FSIP2: variants seen among roughly 807,000 people sequenced by gnomAD.
FSIP2 encodes the protein fibrous sheath-interacting protein 2.
FSIP2 carries 367 observed loss-of-function variants against 510.5 expected under a neutral mutation model. The observed-to-expected ratio is 0.72, with a 90% CI of 0.66 to 0.78. The LOEUF (loss-of-function observed/expected upper bound fraction) is 0.78. FSIP2 is among the 30% of genes least tolerant of loss of function. The probability of loss-of-function intolerance (pLI) is 0.00; values close to 1 mark genes in which losing one functional copy is unlikely to be tolerated. For synonymous variants in FSIP2, 2,601 were observed against 2,732.2 expected, an observed-to-expected ratio of 0.95 and a Z score of 1.50; for missense variants, 7,594 against 7,901.7, an observed-to-expected ratio of 0.96 and a Z score of 1.48.
chr2:185,794,838 G>T lies in FSIP2; in HGVS notation c.7702G>T (p.Val2568Phe), dbSNP rs1445098644. 2.6e-6 allele frequency: 4 copies of T among 1,531,350 alleles called. No individual in the cohort carries two copies. In the East Asian group the frequency reaches 9.8e-5, roughly 38 times the overall value. 94.9% of individuals were successfully genotyped at this position (1,531,350 alleles called of 1,614,324 possible). ...TGAAAATAATAAAAGTAGGACAGAA[G>T]TTGAAATATCTGACCACAATGATTC... is the stretch of plus-strand genomic sequence containing the variant. ...LYENNKSRTE[V>F]EISDHNDSLL... Residue 2568 changes from valine to phenylalanine, a missense_variant, in exon 16 of 23, where the codon GTT (valine) becomes TTT (phenylalanine). Transcript: ENST00000424728.
chr2:185,765,711 T>C (rs575459360), intron 13 of FSIP2: 246 of 151,964 alleles, frequency 1.6e-3, no homozygotes, highest in African/African-American at 5.8e-3. Flanking sequence ...GGGGATGGCA[T>C]TGAATCTATA....
intron 11 of FSIP2, 94 bp from the exon 12 acceptor site, chr2:185,763,089 A>G: frequency 1.5e-6 from 1 of 648,762 alleles, no homozygotes; most frequent in Non-Finnish European, 2.8e-6. Flanking sequence ...GCAGCTGAGC[A>G]GGGAGAATGT....
At chr2:185,777,957 TTAAAA>T (rs754035566) in intron 13 of FSIP2, among the ~76,000 whole-genome samples, 9 of 152,060 alleles carry the variant, frequency 5.9e-5, no homozygotes, top group Non-Finnish European at 1.3e-4. Context: ...GAAGTCACTG[TTAAAA>T]TAAATAACCT....
Position 185,815,362 on chromosome 2 carries a change from C to G in FSIP2, c.20326-9C>G. 1 of 1,282,532 alleles carries G rather than the reference C, an allele frequency of 7.8e-7. No individual in the cohort carries two copies. The highest frequency in any genetic ancestry group is 2.4e-5 in the East Asian group (1 of 42,334). The allele number at this position is 1,282,532 out of a possible 1,614,324, so 79.4% of individuals were successfully genotyped here. A position where few individuals can be genotyped will look rare whatever the true frequency, so the allele number is the denominator to read the frequency against. On this transcript the variant is annotated splice_polypyrimidine_tract_variant and intron_variant, in intron 18 of 22. Coordinates refer to ENST00000424728, the MANE Select transcript of FSIP2 (RefSeq NM_173651.4). ...CATTTAGTGTAATAGCTGATTTGTC[C>G]TTTTCCAGAAAGAAGAAAAGAATCT...
Position 185,794,994 on chromosome 2 carries a change from C to CT in FSIP2, c.7862dup (p.Leu2621PhefsTer19). ...AAATATCTCTGTGATGGAAAACACT[C>CT]TTTTGCCATATTTACCATTGCAAGT... On this transcript the variant is annotated frameshift_variant, in exon 16 of 23. Coordinates refer to ENST00000424728, the MANE Select transcript of FSIP2 (RefSeq NM_173651.4). LOFTEE classifies it high-confidence loss of function. 1 of 1,533,828 alleles carries CT rather than the reference C, an allele frequency of 6.5e-7. No individual in the cohort carries two copies. The highest frequency in any genetic ancestry group is 8.7e-7 in the Non-Finnish European group (1 of 1,145,606).
At position 185,801,157 on chromosome 2, in the gene FSIP2, G is replaced by A; in HGVS notation, c.11851G>A (p.Glu3951Lys). The change falls in exon 17 of 23, where the codon GAA (glutamate) becomes AAA (lysine). Residue 3951 changes from glutamate to lysine, a missense_variant. Coordinates refer to ENST00000424728, the MANE Select transcript of FSIP2 (RefSeq NM_173651.4). Reference sequence around the variant, plus strand: ...ACCTTTTGAAAGACAGAGAACAAAGGAAATGGATAAGGTAGCCATTCATAA... The same window carrying A: ...ACCTTTTGAAAGACAGAGAACAAAGAAAATGGATAAGGTAGCCATTCATAA... The part of the protein sequence containing the change: ...VSPFERQRTK[E>K]MDKVAIHNKL... The A allele has an allele frequency of 6.5e-7, 1 of 1,533,890 alleles. No homozygotes were observed. The highest frequency in any genetic ancestry group is 1.2e-5 in the South Asian group (1 of 83,988).
rs780160329 is a variant in FSIP2 at position 185,807,798 on chromosome 2, C to G, written c.18492C>G (p.Pro6164=). The change falls in exon 17 of 23, where the codon CCC becomes CCG. Residue 6164 remains proline (P), a synonymous_variant. Transcript: ENST00000424728. ...ATGTTTTCCAAACTACTGATGTGCCCCTACCTAAACCTTCACATGCTGATA... is the reference window on the plus strand; with the variant it reads ...ATGTTTTCCAAACTACTGATGTGCCGCTACCTAAACCTTCACATGCTGATA... ...LKDVFQTTDV[P]LPKPSHADKL... The G allele has an allele frequency of 5.6e-6, 9 of 1,612,508 alleles. No individual in the cohort carries two copies. The Admixed American group carries it at 1.5e-4, about 27-fold the overall frequency.
At position 185,797,296 on chromosome 2, in the gene FSIP2, A is replaced by G. The variant is rs1056250291; in HGVS notation, c.10160A>G (p.Lys3387Arg). The G allele has an allele frequency of 2.5e-5, 39 of 1,532,720 alleles. No individual in the cohort carries two copies. The highest frequency in any genetic ancestry group is 4.1e-5 in the African/African-American group (3 of 72,606). The allele number at this position is 1,532,720 out of a possible 1,614,324, so 94.9% of individuals were successfully genotyped here. A position where few individuals can be genotyped will look rare whatever the true frequency, so the allele number is the denominator to read the frequency against. The change falls in exon 16 of 23, where the codon AAA becomes AGA. Residue 3387 changes from lysine to arginine, a missense_variant. Coordinates refer to ENST00000424728, the MANE Select transcript of FSIP2 (RefSeq NM_173651.4). ...AAAAGTTTGCTTAGAATGCAGGATAAAAAAATCAACTATATACCTGAGGAA... is the reference window on the plus strand; with the variant it reads ...AAAAGTTTGCTTAGAATGCAGGATAGAAAAATCAACTATATACCTGAGGAA... ...NEKSLLRMQDKKINYIPEEEN... is the reference protein window; with the variant it reads ...NEKSLLRMQDRKINYIPEEEN...
chr2:185,810,695 C>T (rs1693709818), intron 17 of FSIP2, among the ~76,000 whole-genome samples: 1 of 151,602 alleles, frequency 6.6e-6, no homozygotes, highest in African/African-American at 2.4e-5. Context: ...TGGAAGACAC[C>T]AGTTCCACAC....
chr2:185,808,663 A>G lies in FSIP2; in HGVS notation c.19357A>G (p.Lys6453Glu). ...IKDTNTAFPK[K>E]VASLIIDGVS... is the part of the protein sequence containing the mutation. The stretch of plus-strand genomic sequence containing the variant: ...AGATACAAATACAGCCTTTCCTAAA[A>G]AAGTGGCTAGTTTAATTATTGATGG... The change falls in exon 17 of 23, where the codon AAA becomes GAA. Residue 6453 changes from lysine (K) to glutamate (E), a missense_variant. Lys to Glu is a moderately conservative substitution (Grantham distance 56, BLOSUM62 1). Transcript: ENST00000424728. The G allele has an allele frequency of 6.2e-7, 1 of 1,606,220 alleles. No individual in the cohort carries two copies. The highest frequency in any genetic ancestry group is 1.7e-5 in the Admixed American group (1 of 58,744).
chr2:185,747,175 G>A (rs952966471), intron 6 of FSIP2, 138 bp from the exon 7 acceptor site: 72 of 563,620 alleles, frequency 1.3e-4, no homozygotes, highest in East Asian at 4.8e-4. Context: ...ATTCTAAACC[G>A]AACGTATGCC....
At chr2:185,748,952 T>G (rs897125406) in intron 7 of FSIP2, among the ~76,000 whole-genome samples, 2 of 152,118 alleles carry the variant, frequency 1.3e-5, no homozygotes, top group African/African-American at 4.8e-5. Context: ...TTATGTCTTA[T>G]CATAGTTTAG....
rs749093355 is a variant in FSIP2 at position 185,804,075 on chromosome 2, T to C, written c.14769T>C (p.Val4923=). 112 of 1,525,826 alleles carry C rather than the reference T, an allele frequency of 7.3e-5. 2 individuals carry two copies. In the South Asian group the frequency reaches 1.0e-3, roughly 14 times the overall value. 94.5% of individuals were successfully genotyped at this position (1,525,826 alleles called of 1,614,324 possible). A position where few individuals can be genotyped will look rare whatever the true frequency, so the allele number is the denominator to read the frequency against. The part of the protein sequence containing the change: ...SEDKTLLLAA[V]DQTYKLKAID... Reference sequence around the variant, plus strand: ...ATAAAACTCTCCTTTTGGCAGCAGTTGATCAAACTTATAAATTGAAAGCAA... The same window carrying C: ...ATAAAACTCTCCTTTTGGCAGCAGTCGATCAAACTTATAAATTGAAAGCAA... The change falls in exon 17 of 23, where the codon GTT becomes GTC. Residue 4923 remains valine (V), a synonymous_variant. Transcript: ENST00000424728.
chr2:185,764,821 T>C (rs1486395715), intron 13 of FSIP2: 4 of 320,656 alleles, frequency 1.2e-5, no homozygotes, highest in Non-Finnish European at 2.3e-5. Flanking sequence ...TAGACCTATC[T>C]AGGGTCATCA....
At chr2:185,753,319 G>C (rs1011280348) in intron 7 of FSIP2, among the ~76,000 whole-genome samples, 1 of 151,290 alleles carries the variant, frequency 6.6e-6, no homozygotes, top group Non-Finnish European at 1.5e-5. Flanking sequence ...TACTAGCCCA[G>C]AAATTCACAA....
In FSIP2 at chr2:185,763,249, C is replaced by G. The variant is rs953838409; in HGVS notation, c.1307C>G (p.Ser436Cys). 5.3e-6 allele frequency: 8 copies of G among 1,521,288 alleles called. No individual in the cohort carries two copies. The highest frequency in any genetic ancestry group is 5.3e-6 in the Non-Finnish European group (6 of 1,134,240). 94.2% of individuals were successfully genotyped at this position (1,521,288 alleles called of 1,614,324 possible). The change falls in exon 12 of 23, where the codon TCC becomes TGC. Residue 436 changes from serine (S) to cysteine (C), a missense_variant. By Grantham distance (112) the Ser-to-Cys change is moderately radical. Transcript: ENST00000424728. ...CAGGTATCACCCACGAGAAATTTTT[C>G]CAGAGTTTCACAGGCATTTTTGGAT... ...SAQVSPTRNF[S>C]RVSQAFLDPS...
At chr2:185,812,407 G>A (rs557433145) in intron 17 of FSIP2, among the ~76,000 whole-genome samples, 1 of 152,014 alleles carries the variant, frequency 6.6e-6, no homozygotes, top group Non-Finnish European at 1.5e-5. Flanking sequence ...TACCTCCATT[G>A]TATCCTAAAA....
intron 13 of FSIP2, among the ~76,000 whole-genome samples, chr2:185,775,429 G>A (rs200192007): frequency 3.3e-5 from 5 of 151,412 alleles, no homozygotes; most frequent in Non-Finnish European, 7.4e-5. Context: ...TGATGGGGTT[G>A]TTTTTTTCTT....
chr2:185,795,616 T>G lies in FSIP2; in HGVS notation c.8480T>G (p.Leu2827Arg), dbSNP rs1693249571. 4 of 1,535,048 alleles carry G rather than the reference T, an allele frequency of 2.6e-6. No homozygotes were observed. The East Asian group carries it at 9.8e-5, about 38-fold the overall frequency. ...CFYLENVSSQ[L>R]EHIFPREGIF... The stretch of plus-strand genomic sequence containing the variant: ...TACTTGGAGAATGTTTCTTCACAGC[T>G]AGAGCACATTTTTCCTAGAGAAGGT... The change falls in exon 16 of 23, where the codon CTA becomes CGA. Residue 2827 changes from leucine to arginine, a missense_variant. By Grantham distance (102) the Leu-to-Arg change is moderately radical. Transcript: ENST00000424728.
Sources: gnomAD v4.1 joint callset for allele counts (sites outside exome capture counted in the v4.1 genomes callset) on GRCh38, gnomAD v4.1.1 for gene constraint, MANE v1.5 for transcripts, NCBI Gene and HGNC (gene_info 2026-07-23, HGNC 2026-07-21) for gene names.